Variants in FAM227B observed in about 807,000 individuals in gnomAD.
FAM227B encodes family with sequence similarity 227 member B.
A neutral mutation model predicts 73.8 loss-of-function variants in FAM227B; 88 were observed. The observed-to-expected ratio is 1.19, with a 90% confidence interval of 1.00 to 1.42. The LOEUF is 1.42. Among genes scored for constraint, FAM227B ranks in the 40% most tolerant of loss-of-function variants. The pLI, the probability that FAM227B is intolerant of heterozygous loss-of-function variation, is 0.00. For missense variants in FAM227B, 632 were observed against 590.9 expected (o/e 1.07, Z -0.72); for synonymous variants, 210 against 190.5 (o/e 1.10, Z -0.84).
At chr15:49,615,742 G>A (rs1323984808) in intron 1 of FAM227B, among the ~76,000 whole-genome samples, 1 of 152,172 alleles carries the variant, frequency 6.6e-6, no homozygotes, top group Non-Finnish European at 1.5e-5. Context: ...AACGCAGCAG[G>A]GGAGGAAGGG....
Position 49,331,700 on chromosome 15 carries a change from A to G in FAM227B, c.1419+80T>C, listed in dbSNP as rs114438216. On this transcript the variant is annotated intron_variant, in intron 15 of 15. Coordinates refer to ENST00000299338, the MANE Select transcript of FAM227B (RefSeq NM_152647.3). Reference sequence around the variant, plus strand: ...CTGTAATTTGGGTGTGCCACCATACATTGCTTATGAAATATTGTCCAGTCT... The same window carrying G: ...CTGTAATTTGGGTGTGCCACCATACGTTGCTTATGAAATATTGTCCAGTCT... 2,014 of 886,952 alleles carry G rather than the reference A, an allele frequency of 2.3e-3. 27 individuals carry two copies. The African/African-American group carries it at 0.029, about 13-fold the overall frequency. The allele number at this position is 886,952 out of a possible 1,614,324, so 54.9% of individuals were successfully genotyped here.
At chr15:49,424,185 T>A (rs1334583967) in intron 11 of FAM227B, 1 of 984,966 alleles carries the variant, frequency 1.0e-6, no homozygotes, top group Non-Finnish European at 1.5e-6. Flanking sequence ...CTACTCTTTC[T>A]TAAATCAATC....
chr15:49,569,318 A>G (rs2152354288), intron 8 of FAM227B, among the ~76,000 whole-genome samples: 1 of 151,728 alleles, frequency 6.6e-6, no homozygotes, highest in Admixed American at 6.6e-5. Context: ...CAGAGACAGA[A>G]CTTCTAGTTT....
chr15:49,463,107 G>C (rs1189746667), intron 11 of FAM227B, among the ~76,000 whole-genome samples: 1 of 152,170 alleles, frequency 6.6e-6, no homozygotes, highest in Non-Finnish European at 1.5e-5. Flanking sequence ...CAATCCTGAC[G>C]ATTCTTGCCC....
In FAM227B at chr15:49,328,026, A is replaced by G. The variant is rs2151114015; in HGVS notation, c.*542T>C. ...TGCACAGTATCAATGGTACCTGCGGACAAGCTGCCCAGCTTTCTAGCAAAT... is the reference window on the plus strand; with the variant it reads ...TGCACAGTATCAATGGTACCTGCGGGCAAGCTGCCCAGCTTTCTAGCAAAT... On this transcript the variant is annotated 3_prime_UTR_variant, in exon 16 of 16. Transcript: ENST00000299338. 6.2e-7 allele frequency: 1 copy of G among 1,614,034 alleles called. No individual in the cohort carries two copies.
At chr15:49,591,278 T>C (rs117860662) in intron 3 of FAM227B, among the ~76,000 whole-genome samples, 1 of 149,816 alleles carries the variant, frequency 6.7e-6, no homozygotes, top group African/African-American at 2.4e-5. Flanking sequence ...GTTTGTGTTA[T>C]CCAGGATGGT....
rs988700785 is a variant in FAM227B, at chr15:49,576,798, G to C, written c.489C>G (p.Pro163=). 6.2e-7 allele frequency: 1 copy of C among 1,612,818 alleles called. No homozygotes were observed. The highest frequency in any genetic ancestry group is 1.7e-5 in the Admixed American group (1 of 59,916). ...AAATTTGTTCAGCATCCAAATGTCT[G>C]GGTAGCTGAGTAAGTTCATTTGCTT... ...GFKANELTQL[P]RHLDAEQIYL... is the part of the protein sequence containing the mutation. Residue 163 remains proline, a synonymous_variant, in exon 7 of 16, where the codon CCC becomes CCG. Transcript: ENST00000299338.
intron 11 of FAM227B, among the ~76,000 whole-genome samples, chr15:49,389,637 G>A (rs920528082): frequency 1.3e-5 from 2 of 151,364 alleles, no homozygotes; most frequent in African/African-American, 2.4e-5. Context: ...AAAAGCTATT[G>A]AATTTTTAAA....
intron 10 of FAM227B, among the ~76,000 whole-genome samples, chr15:49,525,703 T>TATATATATATATAG (rs2060135253): frequency 4.1e-5 from 5 of 122,018 alleles, no homozygotes; most frequent in Non-Finnish European, 8.3e-5. Context: ...TATATATATA[T>TATATATATATATAG]ATATATATAT....
chr15:49,498,702 A>G (rs1163575050), intron 11 of FAM227B, among the ~76,000 whole-genome samples: 1 of 152,222 alleles, frequency 6.6e-6, no homozygotes, highest in Non-Finnish European at 1.5e-5. Flanking sequence ...TCAAGACCCA[A>G]TAGTCTGCTA....
chr15:49,440,219 T>C (rs1190016272), intron 11 of FAM227B, among the ~76,000 whole-genome samples: 1 of 151,812 alleles, frequency 6.6e-6, no homozygotes, highest in Non-Finnish European at 1.5e-5. Context: ...ATTATTACTG[T>C]GGTTTGTAAC....
intron 11 of FAM227B, among the ~76,000 whole-genome samples, chr15:49,394,367 T>C (rs1434968202): frequency 1.3e-5 from 2 of 152,120 alleles, no homozygotes; most frequent in Non-Finnish European, 1.5e-5. Flanking sequence ...TTGCTTTAAA[T>C]TTCTAATTGA....
At chr15:49,529,250 A>G (rs554622057) in intron 10 of FAM227B, among the ~76,000 whole-genome samples, 1 of 151,740 alleles carries the variant, frequency 6.6e-6, no homozygotes, top group African/African-American at 2.4e-5. Flanking sequence ...ATATATTCTC[A>G]TAAGTGGGAA....
intron 11 of FAM227B, among the ~76,000 whole-genome samples, chr15:49,475,145 T>C (rs1229352880): frequency 1.3e-5 from 2 of 152,180 alleles, no homozygotes; most frequent in East Asian, 3.9e-4. Context: ...TGCACTCCGG[T>C]AGTGTATGAT....
intron 13 of FAM227B, among the ~76,000 whole-genome samples, chr15:49,359,289 G>A (rs2043753348): frequency 7.7e-6 from 1 of 130,530 alleles, no homozygotes; most frequent in Non-Finnish European, 1.7e-5. Context: ...ACTACCATCA[G>A]AGTGAACAGG....
At chr15:49,413,820 C>G (rs1040985616) in intron 11 of FAM227B, among the ~76,000 whole-genome samples, 1 of 151,348 alleles carries the variant, frequency 6.6e-6, no homozygotes, top group Non-Finnish European at 1.5e-5. Flanking sequence ...ACAACAAGCT[C>G]ATTTTCACCT....
intron 11 of FAM227B, among the ~76,000 whole-genome samples, chr15:49,379,549 C>T (rs1024219189): frequency 6.6e-6 from 1 of 152,112 alleles, no homozygotes; most frequent in Non-Finnish European, 1.5e-5. Flanking sequence ...TTTGATTTTC[C>T]AATGTATTGC....
At chr15:49,397,093 C>A (rs1463297780) in intron 11 of FAM227B, among the ~76,000 whole-genome samples, 1 of 151,916 alleles carries the variant, frequency 6.6e-6, no homozygotes, top group African/African-American at 2.4e-5. Context: ...AAGTTGAAAA[C>A]CTTGAAAAAA....
intron 11 of FAM227B, among the ~76,000 whole-genome samples, chr15:49,473,904 A>G (rs1309257747): frequency 6.6e-6 from 1 of 152,180 alleles, no homozygotes; most frequent in East Asian, 1.9e-4. Context: ...TTTTAAAAAC[A>G]TAATTAATGT....
Sources: gnomAD v4.1 joint callset for allele counts (sites outside exome capture counted in the v4.1 genomes callset) on GRCh38, gnomAD v4.1.1 for gene constraint, MANE v1.5 for transcripts, NCBI Gene and HGNC (gene_info 2026-07-23, HGNC 2026-07-21) for gene names.